The following DCC variants were observed in gnomAD, a reference collection of about 807,000 sequenced individuals.
The protein encoded by DCC is DCC netrin 1 receptor.
Under a neutral mutation model 172.5 loss-of-function variants are expected in DCC, and 58 were observed. The ratio of observed to expected loss-of-function variants is 0.34; its 90% CI spans 0.27 to 0.42. The LOEUF is 0.42. Ranked by LOEUF, DCC falls within the 10% of genes least tolerant of loss-of-function variation. DCC has a pLI of 1.00. For synonymous variants in DCC, 709 were observed against 644.5 expected (o/e 1.10, Z -1.52); for missense variants, 1,740 against 1,791.0 (o/e 0.97, Z 0.51).
chr18:53,154,961 T>C (rs938512552), intron 7 of DCC, among the ~76,000 whole-genome samples: 4 of 152,202 alleles, frequency 2.6e-5, no homozygotes, highest in African/African-American at 9.7e-5. Flanking sequence ...CTCACCACTC[T>C]GCTATAAAAG....
chr18:53,166,998 A>G (rs1365008403), intron 8 of DCC, among the ~76,000 whole-genome samples: 1 of 152,176 alleles, frequency 6.6e-6, no homozygotes, highest in African/African-American at 2.4e-5. Flanking sequence ...TCTGGCATTC[A>G]CTAAAGAAAT....
chr18:52,939,826 G>A (rs184564329), intron 5 of DCC, among the ~76,000 whole-genome samples: 134 of 152,246 alleles, frequency 8.8e-4, no homozygotes, highest in African/African-American at 3.1e-3. Context: ...GGGGGCCCTT[G>A]GGTGCAGAAA....
intron 1 of DCC, among the ~76,000 whole-genome samples, chr18:52,589,283 A>G (rs1180400212): frequency 1.3e-5 from 2 of 152,214 alleles, no homozygotes; most frequent in Non-Finnish European, 2.9e-5. Flanking sequence ...GATACTTTTT[A>G]TTTGATTCTG....
At chr18:53,069,626 A>C (rs866997717) in intron 7 of DCC, among the ~76,000 whole-genome samples, 28 of 152,172 alleles carry the variant, frequency 1.8e-4, no homozygotes, top group Middle Eastern at 3.4e-3. Flanking sequence ...AAAACAAAAA[A>C]AAAAAAAAAG....
intron 2 of DCC, among the ~76,000 whole-genome samples, chr18:52,828,522 A>G (rs2038553828): frequency 6.6e-6 from 1 of 151,980 alleles, no homozygotes; most frequent in Admixed American, 6.6e-5. Flanking sequence ...AAAGTCTCCA[A>G]TTTCAGTAGC....
intron 1 of DCC, among the ~76,000 whole-genome samples, chr18:52,571,557 C>G (rs1014440790): frequency 2.6e-5 from 4 of 152,156 alleles, no homozygotes; most frequent in Admixed American, 2.0e-4. Flanking sequence ...ACACTGCAGC[C>G]TTCAATGGGC....
chr18:52,705,370 C>T (rs2036189112), intron 1 of DCC, among the ~76,000 whole-genome samples: 1 of 152,136 alleles, frequency 6.6e-6, no homozygotes, highest in South Asian at 2.1e-4. Context: ...TGGGCACTTT[C>T]AGAATATGGT....
At chr18:52,420,340 G>A (rs1031140797) in intron 1 of DCC, among the ~76,000 whole-genome samples, 1 of 152,134 alleles carries the variant, frequency 6.6e-6, no homozygotes, top group Non-Finnish European at 1.5e-5. Context: ...GGATGTAGTG[G>A]CTCCTTAGAG....
chr18:52,625,742 C>A (rs74434124), intron 1 of DCC, among the ~76,000 whole-genome samples: 107 of 152,268 alleles, frequency 7.0e-4, no homozygotes, highest in South Asian at 3.1e-3. Context: ...ATTTCCCATT[C>A]ACTCTGAGCC....
chr18:52,432,363 G>T (rs768106401), intron 1 of DCC, among the ~76,000 whole-genome samples: 1 of 152,062 alleles, frequency 6.6e-6, no homozygotes, highest in Non-Finnish European at 1.5e-5. Context: ...TAGCTTCTTT[G>T]ATGTGCTCTT....
intron 15 of DCC, among the ~76,000 whole-genome samples, chr18:53,341,603 T>C (rs997767949): frequency 6.6e-6 from 1 of 152,220 alleles, no homozygotes. Context: ...TACTAGTTGA[T>C]ACTCTTTTAA....
chr18:52,502,494 G>C (rs1008041462), intron 1 of DCC, among the ~76,000 whole-genome samples: 6 of 152,114 alleles, frequency 3.9e-5, no homozygotes, highest in African/African-American at 1.4e-4. Flanking sequence ...TGATATCCTT[G>C]CCTGTTGGGT....
intron 1 of DCC, among the ~76,000 whole-genome samples, chr18:52,459,715 C>T (rs1442395623): frequency 6.6e-6 from 1 of 151,878 alleles, no homozygotes; most frequent in Non-Finnish European, 1.5e-5. Context: ...GTGATATGCC[C>T]GCCTCAGCCT....
At chr18:53,018,957 T>C (rs1471983012) in intron 5 of DCC, among the ~76,000 whole-genome samples, 2 of 152,140 alleles carry the variant, frequency 1.3e-5, no homozygotes, top group Non-Finnish European at 2.9e-5. Context: ...CTTAAGAGCA[T>C]TAAAACACTA....
chr18:53,510,608 A>G (rs907311059), intron 27 of DCC, among the ~76,000 whole-genome samples: 2 of 152,210 alleles, frequency 1.3e-5, no homozygotes, highest in Non-Finnish European at 2.9e-5. Flanking sequence ...CCTTTGCATT[A>G]TTCAAACTAA....
At chr18:52,356,252 G>T (rs1453358473) in intron 1 of DCC, among the ~76,000 whole-genome samples, 7 of 152,138 alleles carry the variant, frequency 4.6e-5, no homozygotes, top group Non-Finnish European at 8.8e-5. Flanking sequence ...ACTGCATTTT[G>T]AACTTGGAAA....
intron 5 of DCC, among the ~76,000 whole-genome samples, chr18:52,985,158 C>A (rs2041272708): frequency 6.6e-6 from 1 of 152,050 alleles, no homozygotes; most frequent in African/African-American, 2.4e-5. Context: ...TACTCCTAGT[C>A]CATTCTTGTT....
At chr18:53,373,124 A>C (rs1212847486) in intron 15 of DCC, among the ~76,000 whole-genome samples, 2 of 152,144 alleles carry the variant, frequency 1.3e-5, no homozygotes, top group East Asian at 3.8e-4. Context: ...AAACTAGGTC[A>C]ATTTAAAGCA....
chr18:53,296,145 T>G (rs2057064913), intron 12 of DCC, among the ~76,000 whole-genome samples: 1 of 152,128 alleles, frequency 6.6e-6, no homozygotes, highest in Non-Finnish European at 1.5e-5. Context: ...CACAAATAAG[T>G]AGGTCCATAT....
Sources: gnomAD v4.1 joint callset for allele counts (sites outside exome capture counted in the v4.1 genomes callset) on GRCh38, gnomAD v4.1.1 for gene constraint, MANE v1.5 for transcripts, NCBI Gene and HGNC (gene_info 2026-07-23, HGNC 2026-07-21) for gene names.